The following EML4 variants were observed in gnomAD, a reference collection of about 807,000 sequenced individuals.
EML4 encodes echinoderm microtubule-associated protein-like 4.
In EML4, 72 loss-of-function variants were observed where a neutral mutation model predicts 129.0. The observed-to-expected ratio is 0.56, with a 90% CI of 0.46 to 0.68. EML4 has a LOEUF of 0.68. Among genes scored for constraint, EML4 ranks in the 30% least tolerant of loss-of-function variants. The pLI, the probability that EML4 is intolerant of heterozygous loss-of-function variation, is 0.00. For missense variants in EML4, 1,363 were observed against 1,190.6 expected (o/e 1.14, Z -2.13); for synonymous variants, 532 against 405.0 (o/e 1.31, Z -3.77).
chr2:42,215,695 TAC>T (rs1288075677), intron 1 of EML4, among the ~76,000 whole-genome samples: 1 of 152,230 alleles, frequency 6.6e-6, no homozygotes, highest in Non-Finnish European at 1.5e-5. Flanking sequence ...GGTACTCAGA[TAC>T]AGAGTTAAAT....
Position 42,254,177 on chromosome 2 carries a change from G to A in EML4, c.209-2324G>A, listed in dbSNP as rs1040534740. Reference sequence around the variant, plus strand: ...GTAAAAATGCCTGTAATTGGTGGTCGGGCACAGTGGCTCACGCTTATAATC... The same window carrying A: ...GTAAAAATGCCTGTAATTGGTGGTCAGGCACAGTGGCTCACGCTTATAATC... On this transcript the variant is annotated intron_variant, in intron 2 of 22. Transcript: ENST00000318522. 3.9e-5 allele frequency among the ~76,000 whole-genome samples: 6 copies of A among 152,280 alleles called. No individual in the cohort carries two copies. In the South Asian group the frequency reaches 1.0e-3, roughly 26 times the overall value.
intron 14 of EML4, among the ~76,000 whole-genome samples, chr2:42,301,634 G>A (rs1341288701): frequency 6.6e-6 from 1 of 151,284 alleles, no homozygotes; most frequent in Admixed American, 6.6e-5. Context: ...GTTAAAACCA[G>A]AGCAAATGTC....
At chr2:42,254,981 C>T (rs1676031638) in intron 2 of EML4, among the ~76,000 whole-genome samples, 1 of 152,034 alleles carries the variant, frequency 6.6e-6, no homozygotes, top group Non-Finnish European at 1.5e-5. Context: ...CATGGTGAAC[C>T]TTGAAAACAT....
chr2:42,323,210 C>T (rs925348359), intron 19 of EML4, among the ~76,000 whole-genome samples: 13 of 152,166 alleles, frequency 8.5e-5, no homozygotes, highest in African/African-American at 2.2e-4. Flanking sequence ...TCTTCATCCA[C>T]GTAGCAAGTT....
At chr2:42,279,321 T>A (rs1666869911) in intron 6 of EML4, among the ~76,000 whole-genome samples, 1 of 152,220 alleles carries the variant, frequency 6.6e-6, no homozygotes, top group Non-Finnish European at 1.5e-5. Flanking sequence ...GTAGTGGGAT[T>A]GCAGCATCAT....
intron 1 of EML4, among the ~76,000 whole-genome samples, chr2:42,180,462 G>C (rs183183947): frequency 2.8e-3 from 425 of 152,322 alleles, no homozygotes; most frequent in African/African-American, 8.9e-3. Flanking sequence ...CAGATGGTCT[G>C]TATATGTGCT....
intron 6 of EML4, among the ~76,000 whole-genome samples, chr2:42,269,620 A>G (rs1026502740): frequency 6.6e-6 from 1 of 152,192 alleles, no homozygotes; most frequent in Admixed American, 6.5e-5. Flanking sequence ...CATTTCTGAT[A>G]TGGTGACCTG....
In EML4 at chr2:42,169,644, C is replaced by T. The variant is rs1266554277; in HGVS notation, c.25+8C>T. The T allele has an allele frequency of 2.5e-6, 4 of 1,601,474 alleles. No individual in the cohort carries two copies. Among genetic ancestry groups the T allele is most frequent in the East Asian group, 2.3e-5 (1 of 43,614 alleles). On this transcript the variant is annotated splice_region_variant and intron_variant, in intron 1 of 22. Coordinates refer to ENST00000318522, the MANE Select transcript of EML4 (RefSeq NM_019063.5). The stretch of plus-strand genomic sequence containing the variant: ...GTTTCGCCGGCAGTCTCGGTGAGTA[C>T]GGCTGGGGAGTCCTGCGTCTTCTGC...
intron 1 of EML4, among the ~76,000 whole-genome samples, chr2:42,235,022 A>G (rs1487603016): frequency 1.3e-5 from 2 of 152,060 alleles, no homozygotes; most frequent in Non-Finnish European, 2.9e-5. Context: ...CGGGTCAGGC[A>G]TGGTGGCTCA....
At chr2:42,327,422 C>CT (rs2103841388) in intron 21 of EML4, among the ~76,000 whole-genome samples, 1 of 152,324 alleles carries the variant, frequency 6.6e-6, no homozygotes, top group East Asian at 1.9e-4. Context: ...AACTGCCAGA[C>CT]TGTTTTCCAC....
chr2:42,179,462 T>C (rs1192254072), intron 1 of EML4, among the ~76,000 whole-genome samples: 2 of 152,116 alleles, frequency 1.3e-5, no homozygotes, highest in African/African-American at 4.8e-5. Flanking sequence ...TGCATTAATG[T>C]TTATTGAACT....
At chr2:42,279,152 G>A (rs1242622231) in intron 6 of EML4, among the ~76,000 whole-genome samples, 1 of 151,764 alleles carries the variant, frequency 6.6e-6, no homozygotes, top group East Asian at 1.9e-4. Context: ...ATTGCAAGAT[G>A]TGTGTGTGTG....
intron 17 of EML4, among the ~76,000 whole-genome samples, chr2:42,312,113 T>TA (rs1278624283): frequency 6.6e-6 from 1 of 152,216 alleles, no homozygotes; most frequent in East Asian, 1.9e-4. Flanking sequence ...AGTATTCACA[T>TA]ATGAAAGATA....
intron 20 of EML4, 55 bp downstream of exon 20, chr2:42,325,609 TA>T (rs1251410215): frequency 4.5e-5 from 2 of 44,266 alleles, no homozygotes; most frequent in African/African-American, 3.1e-4. Flanking sequence ...TATTTATATA[TA>T]TATATATATA....
intron 1 of EML4, among the ~76,000 whole-genome samples, chr2:42,192,501 A>G (rs1377562945): frequency 6.6e-6 from 1 of 151,968 alleles, no homozygotes; most frequent in Non-Finnish European, 1.5e-5. Flanking sequence ...CAGCCTCCCA[A>G]AGTACTGGGA....
intron 21 of EML4, among the ~76,000 whole-genome samples, chr2:42,328,088 GTTATT>G (rs1669907077): frequency 6.6e-6 from 1 of 152,136 alleles, no homozygotes; most frequent in African/African-American, 2.4e-5. Context: ...AGCTTCTGTG[GTTATT>G]TTAATGAAGA....
chr2:42,191,250 G>A (rs1458334017), intron 1 of EML4, among the ~76,000 whole-genome samples: 2 of 152,016 alleles, frequency 1.3e-5, no homozygotes, highest in Non-Finnish European at 2.9e-5. Flanking sequence ...GTACATAATT[G>A]AGGGTAAGTT....
chr2:42,172,898 C>G (rs1670361027), intron 1 of EML4, among the ~76,000 whole-genome samples: 1 of 152,100 alleles, frequency 6.6e-6, no homozygotes, highest in Non-Finnish European at 1.5e-5. Flanking sequence ...AATTTTAAGA[C>G]TTTTATCTTG....
At chr2:42,236,855 G>A (rs1674711128) in intron 1 of EML4, among the ~76,000 whole-genome samples, 1 of 152,122 alleles carries the variant, frequency 6.6e-6, no homozygotes, top group Non-Finnish European at 1.5e-5. Flanking sequence ...GGCCAGTCTG[G>A]TACGCATAAG....
Sources: gnomAD v4.1 joint callset for allele counts (sites outside exome capture counted in the v4.1 genomes callset) on GRCh38, gnomAD v4.1.1 for gene constraint, MANE v1.5 for transcripts, NCBI Gene and HGNC (gene_info 2026-07-23, HGNC 2026-07-21) for gene names.